The following STON2 variants were observed in gnomAD, a reference collection of about 807,000 sequenced individuals.
STON2 encodes stonin-2.
In STON2, 29 loss-of-function variants were observed where a neutral mutation model predicts 65.7. That is an observed-to-expected ratio of 0.44 (90% CI 0.33 to 0.60). The LOEUF (loss-of-function observed/expected upper bound fraction) is 0.60, where lower values mean the gene tolerates loss of function less well. Ranked by LOEUF, STON2 falls within the 20% of genes least tolerant of loss-of-function variation. The pLI is 0.03. For missense variants in STON2, 1,054 were observed against 1,118.1 expected (o/e 0.94, Z 0.82); for synonymous variants, 404 against 414.2 (o/e 0.98, Z 0.30).
At chr14:81,313,808 A>ATAC (rs1555398539) in intron 5 of STON2, among the ~76,000 whole-genome samples, 6 of 82,530 alleles carry the variant, frequency 7.3e-5, no homozygotes, top group South Asian at 3.2e-4. Flanking sequence ...AAAAAAAAAA[A>ATAC]ATACACACAC....
chr14:81,268,310 A>G lies in STON2; in HGVS notation c.*104T>C. On this transcript the variant is annotated 3_prime_UTR_variant, in exon 8 of 8. Transcript: ENST00000614646. ...GTTCCCAACATGCAGTGGCCACAGCAGGTATTGACTGCAACTTCAGCTACT... is the reference window on the plus strand; with the variant it reads ...GTTCCCAACATGCAGTGGCCACAGCGGGTATTGACTGCAACTTCAGCTACT... 8.0e-7 allele frequency: 1 copy of G among 1,251,540 alleles called. No homozygotes were observed. The highest frequency in any genetic ancestry group is 1.3e-5 in the South Asian group (1 of 74,216). 77.5% of individuals were successfully genotyped at this position (1,251,540 alleles called of 1,614,324 possible).
chr14:81,303,059 GGTGTGTGT>G (rs56117739), intron 5 of STON2, among the ~76,000 whole-genome samples: 2 of 96,952 alleles, frequency 2.1e-5, no homozygotes, highest in Non-Finnish European at 5.7e-5. Context: ...ATGTGTGGGG[GGTGTGTGT>G]GTGTGTGTGT....
Position 81,263,059 on chromosome 14 carries a change from A to T in STON2, c.*5355T>A. 1 of 985,372 alleles carries T rather than the reference A, an allele frequency of 1.0e-6. No homozygotes were observed. Among genetic ancestry groups the T allele is most frequent in the Middle Eastern group, 5.2e-4 (1 of 1,914 alleles). 61.0% of individuals were successfully genotyped at this position (985,372 alleles called of 1,614,324 possible). On this transcript the variant is annotated 3_prime_UTR_variant, in exon 8 of 8. Coordinates refer to ENST00000614646, the MANE Select transcript of STON2 (RefSeq NM_001394390.1). Reference sequence around the variant, plus strand: ...CGTCATGGTTTGAATGGGACTTAGTAGTAAAGTGTGTGAGACAGTGCATTT... The same window carrying T: ...CGTCATGGTTTGAATGGGACTTAGTTGTAAAGTGTGTGAGACAGTGCATTT...
At chr14:81,364,458 C>T (rs1023035769) in intron 4 of STON2, among the ~76,000 whole-genome samples, 1 of 152,124 alleles carries the variant, frequency 6.6e-6, no homozygotes, top group African/African-American at 2.4e-5. Flanking sequence ...AGCTTTCTAA[C>T]ACTTTAGCAG....
intron 4 of STON2, among the ~76,000 whole-genome samples, chr14:81,365,982 C>T (rs909565623): frequency 6.6e-6 from 1 of 152,154 alleles, no homozygotes; most frequent in Non-Finnish European, 1.5e-5. Context: ...GGTGTGCCCA[C>T]CTTGTCTAGA....
chr14:81,335,607 G>A (rs1446282828), intron 4 of STON2, among the ~76,000 whole-genome samples: 5 of 152,186 alleles, frequency 3.3e-5, no homozygotes, highest in Admixed American at 2.6e-4. Flanking sequence ...ACAGAGGAAA[G>A]AGCTGAAGGG....
In STON2 at chr14:81,265,379, G is replaced by C; in HGVS notation, c.*3035C>G. The C allele has an allele frequency of 1.0e-6, 1 of 981,052 alleles. No homozygotes were observed. Among genetic ancestry groups the C allele is most frequent in the Non-Finnish European group, 1.2e-6 (1 of 826,062 alleles). 60.8% of individuals were successfully genotyped at this position (981,052 alleles called of 1,614,324 possible). ...AAATTAATAATAATTTGTGGGTCCA[G>C]CATGGTGGCTCACGCCTGTAATCCC... On this transcript the variant is annotated 3_prime_UTR_variant, in exon 8 of 8. Coordinates refer to ENST00000614646, the MANE Select transcript of STON2 (RefSeq NM_001394390.1).
chr14:81,293,981 C>T (rs1566893656), intron 5 of STON2, among the ~76,000 whole-genome samples: 1 of 152,166 alleles, frequency 6.6e-6, no homozygotes, highest in Non-Finnish European at 1.5e-5. Context: ...CTTCCTGAAG[C>T]CTGGGTATTC....
At chr14:81,367,744 C>A (rs971355035) in intron 4 of STON2, among the ~76,000 whole-genome samples, 2 of 152,204 alleles carry the variant, frequency 1.3e-5, no homozygotes, top group Non-Finnish European at 2.9e-5. Context: ...TGAGGACTCA[C>A]TTCACTGCCC....
chr14:81,432,718 C>A (rs1267959441), intron 1 of STON2, among the ~76,000 whole-genome samples: 2 of 152,162 alleles, frequency 1.3e-5, no homozygotes, highest in Non-Finnish European at 2.9e-5. Context: ...TCTCTGGACC[C>A]AAGCTTTTTT....
intron 4 of STON2, among the ~76,000 whole-genome samples, chr14:81,355,576 T>A (rs1595387882): frequency 1.3e-5 from 2 of 152,056 alleles, no homozygotes; most frequent in Non-Finnish European, 2.9e-5. Context: ...AAATAAAAAA[T>A]TTTCCAGACA....
chr14:81,290,548 G>GA lies in STON2; in HGVS notation c.743-11810dup, dbSNP rs558256236. Among the ~76,000 whole-genome samples, 1,200 of 152,204 alleles carry GA rather than the reference G, an allele frequency of 7.9e-3. 9 individuals are homozygous for GA. The highest frequency in any genetic ancestry group is 0.014 in the Non-Finnish European group (929 of 68,014). ...TTGTTGTGCTATATCATTTCCAGGAGAAACTCAAGAAGTCTGTTGGGGGTA... is the reference window on the plus strand; with the variant it reads ...TTGTTGTGCTATATCATTTCCAGGAGAAAACTCAAGAAGTCTGTTGGGGGTA... On this transcript the variant is annotated intron_variant, in intron 5 of 7. Transcript: ENST00000614646.
At chr14:81,366,590 C>T (rs1463151603) in intron 4 of STON2, among the ~76,000 whole-genome samples, 3 of 152,038 alleles carry the variant, frequency 2.0e-5, no homozygotes, top group Admixed American at 1.3e-4. Context: ...GGGGCAATGA[C>T]AAACATCTCC....
intron 4 of STON2, among the ~76,000 whole-genome samples, chr14:81,350,466 G>GT (rs1368495958): frequency 7.0e-6 from 1 of 141,988 alleles, no homozygotes; most frequent in Non-Finnish European, 1.5e-5. Context: ...GCAGTCCATT[G>GT]TTTAATTCAG....
intron 1 of STON2, among the ~76,000 whole-genome samples, chr14:81,429,734 G>A (rs927605341): frequency 6.6e-6 from 1 of 152,128 alleles, no homozygotes; most frequent in Non-Finnish European, 1.5e-5. Flanking sequence ...AGAAGTTCGA[G>A]ACCAGCCTGG....
At position 81,423,128 on chromosome 14, in the gene STON2, T is replaced by C. The variant is rs542295381; in HGVS notation, c.-199+3974A>G. 1.2e-4 allele frequency among the ~76,000 whole-genome samples: 18 copies of C among 152,284 alleles called. No individual in the cohort carries two copies. In the South Asian group the frequency reaches 3.1e-3, roughly 26 times the overall value. On this transcript the variant is annotated intron_variant, in intron 2 of 8. Transcript: ENST00000553821. ...CCTGCAACATGACCTTCTATAGGTATACCTAAGGTGCGCTGCACACTTTTC... is the reference window on the plus strand; with the variant it reads ...CCTGCAACATGACCTTCTATAGGTACACCTAAGGTGCGCTGCACACTTTTC...
chr14:81,307,781 TC>T, intron 5 of STON2, among the ~76,000 whole-genome samples: 1 of 152,250 alleles, frequency 6.6e-6, no homozygotes. Context: ...AATAACATTT[TC>T]TTTTCTCTAG....
At chr14:81,375,574 T>C (rs115912176) in intron 3 of STON2, among the ~76,000 whole-genome samples, 139 of 152,088 alleles carry the variant, frequency 9.1e-4, no homozygotes, top group African/African-American at 3.2e-3. Flanking sequence ...AAGTAAGAAA[T>C]GTCCATCATC....
chr14:81,266,991 A>G lies in STON2; in HGVS notation c.*1423T>C, dbSNP rs1894381169. 2 of 985,284 alleles carry G rather than the reference A, an allele frequency of 2.0e-6. No homozygotes were observed. The highest frequency in any genetic ancestry group is 9.4e-5 in the South Asian group (2 of 21,296). The allele number at this position is 985,284 out of a possible 1,614,324, so 61.0% of individuals were successfully genotyped here. On this transcript the variant is annotated 3_prime_UTR_variant, in exon 8 of 8. Coordinates refer to ENST00000614646, the MANE Select transcript of STON2 (RefSeq NM_001394390.1). ...GTAACTATTTCTATATCCCAGTGTC[A>G]ATACACATTTAGACTCCAATGATTG...
Sources: allele counts gnomAD v4.1 joint callset (sites outside exome capture counted in the v4.1 genomes callset), GRCh38; gene constraint gnomAD v4.1.1; transcripts MANE v1.5; gene names NCBI Gene and HGNC (gene_info 2026-07-23, HGNC 2026-07-21).